Variants in DNAH11 observed in about 807,000 individuals in gnomAD.
DNAH11 encodes the protein axonemal beta dynein heavy chain 11.
A neutral mutation model predicts 526.0 loss-of-function variants in DNAH11; 442 were observed. The observed-to-expected ratio is 0.84, with a 90% CI of 0.78 to 0.91. The LOEUF (loss-of-function observed/expected upper bound fraction) is 0.91. Ranked by LOEUF, DNAH11 falls within the 40% of genes least tolerant of loss-of-function variation. The pLI is 0.00. For missense variants in DNAH11, 6,989 were observed against 5,448.7 expected, an observed-to-expected ratio of 1.28 and a Z score of -8.90; for synonymous variants, 2,461 against 1,935.9, an observed-to-expected ratio of 1.27 and a Z score of -7.12.
chr7:21,634,740 A>G (rs117322450), intron 25 of DNAH11, among the ~76,000 whole-genome samples: 2,277 of 152,236 alleles, frequency 0.015, 21 homozygotes, highest in Non-Finnish European at 0.024. Context: ...TGATGAAATC[A>G]TGTGCACACC....
chr7:21,592,367 C>T (rs1361635129), intron 14 of DNAH11, among the ~76,000 whole-genome samples: 1 of 152,068 alleles, frequency 6.6e-6, no homozygotes, highest in Non-Finnish European at 1.5e-5. Flanking sequence ...AGGAGAAGAA[C>T]ATTCTGGAGA....
intron 45 of DNAH11, among the ~76,000 whole-genome samples, chr7:21,730,186 C>G (rs755638892): frequency 2.0e-5 from 3 of 152,172 alleles, no homozygotes; most frequent in Non-Finnish European, 1.5e-5. Context: ...CGCATGTTTA[C>G]TGCAGCACTA....
chr7:21,735,916 G>C (rs1583643015), intron 46 of DNAH11, 72 bp downstream of exon 46: 2 of 1,353,566 alleles, frequency 1.5e-6, no homozygotes, highest in Non-Finnish European at 2.0e-6. Context: ...CAGCCCAAAA[G>C]ACTAATAATG....
Position 21,884,329 on chromosome 7 carries a change from C to G in DNAH11, c.12426C>G (p.Ile4142Met). 1 of 1,612,746 alleles carries G rather than the reference C, an allele frequency of 6.2e-7. No homozygotes were observed. Among genetic ancestry groups the G allele is most frequent in the East Asian group, 2.2e-5 (1 of 44,824 alleles). ...ATCTCCGTTATCTCTTTGGTGAGATCATGTATGGAGGCCACATCACAGATG... is the reference window on the plus strand; with the variant it reads ...ATCTCCGTTATCTCTTTGGTGAGATGATGTATGGAGGCCACATCACAGATG... ...WEDLRYLFGE[I>M]MYGGHITDDW... is the part of the protein sequence containing the mutation. The change falls in exon 76 of 82, where the codon ATC (isoleucine) becomes ATG (methionine). Residue 4142 changes from isoleucine (I) to methionine (M), a missense_variant. By Grantham distance (10) the Ile-to-Met change is conservative (BLOSUM62 1). Transcript: ENST00000409508.
intron 20 of DNAH11, among the ~76,000 whole-genome samples, chr7:21,607,936 CAAAAA>C (rs34293535): frequency 1.9e-4 from 13 of 68,646 alleles, no homozygotes; most frequent in African/African-American, 6.9e-4. Context: ...GACTTCATCT[CAAAAA>C]AAAAAAAAAA....
In DNAH11 at chr7:21,717,941, C is replaced by T. The variant is rs367821670; in HGVS notation, c.7134+16C>T. The T allele has an allele frequency of 8.1e-5, 130 of 1,604,964 alleles. No individual in the cohort carries two copies. The highest frequency in any genetic ancestry group is 6.7e-4 in the Admixed American group (40 of 59,394). The stretch of plus-strand genomic sequence containing the variant: ...CCTGGTGCAGGTTTGTCTTCGGTTA[C>T]GCCATTTAACGTTCTAGTTCTGATG... On this transcript the variant is annotated intron_variant, in intron 43 of 81. Coordinates refer to ENST00000409508, the MANE Select transcript of DNAH11 (RefSeq NM_001277115.2).
intron 6 of DNAH11, among the ~76,000 whole-genome samples, chr7:21,568,903 A>G (rs146181233): frequency 1.7e-3 from 261 of 152,314 alleles, no homozygotes; most frequent in African/African-American, 6.1e-3. Context: ...CAACTCTTTT[A>G]AAATTCACAT....
At chr7:21,869,274 C>A (rs1362909008) in intron 73 of DNAH11, among the ~76,000 whole-genome samples, 1 of 152,168 alleles carries the variant, frequency 6.6e-6, no homozygotes, top group Non-Finnish European at 1.5e-5. Flanking sequence ...CTGGAACACT[C>A]AGTAGTGCCT....
At chr7:21,601,239 A>G (rs1241048321) in intron 17 of DNAH11, 60 bp downstream of exon 17, 3 of 1,533,236 alleles carry the variant, frequency 2.0e-6, no homozygotes, top group Admixed American at 2.2e-5. Flanking sequence ...TAAAACTGAG[A>G]TGTTACTTTT....
At chr7:21,861,604 GA>G (rs1783066142) in intron 68 of DNAH11, among the ~76,000 whole-genome samples, 1 of 152,194 alleles carries the variant, frequency 6.6e-6, no homozygotes, top group Non-Finnish European at 1.5e-5. Flanking sequence ...CAGAAGGAGA[GA>G]AAATGATGCA....
In DNAH11 at chr7:21,600,994, CTT is replaced by C. The variant is rs1457504284; in HGVS notation, c.3256-12_3256-11del. Reference sequence around the variant, plus strand: ...TTTTCACTGAGTTGTTCTAATTAATCTTTTTCTCACTACAGATTGACATTTAT... The same window carrying C: ...TTTTCACTGAGTTGTTCTAATTAATCTTTCTCACTACAGATTGACATTTAT... On this transcript the variant is annotated splice_polypyrimidine_tract_variant and intron_variant, in intron 16 of 81. Coordinates refer to ENST00000409508, the MANE Select transcript of DNAH11 (RefSeq NM_001277115.2). 1.2e-6 allele frequency: 2 copies of C among 1,609,900 alleles called. No individual in the cohort carries two copies. Among genetic ancestry groups the C allele is most frequent in the Non-Finnish European group, 1.7e-6 (2 of 1,179,018 alleles).
At chr7:21,566,665 AAT>A (rs1370137307) in intron 6 of DNAH11, among the ~76,000 whole-genome samples, 1 of 151,968 alleles carries the variant, frequency 6.6e-6, no homozygotes, top group Non-Finnish European at 1.5e-5. Flanking sequence ...GCAAGTCAGT[AAT>A]AGAGTTCTCA....
chr7:21,760,703 C>T (rs920842569), intron 54 of DNAH11, among the ~76,000 whole-genome samples: 2 of 152,082 alleles, frequency 1.3e-5, no homozygotes, highest in African/African-American at 4.8e-5. Flanking sequence ...CCTAACCAAC[C>T]ATTTATGTTG....
chr7:21,621,394 C>T (rs1284005989), intron 25 of DNAH11, among the ~76,000 whole-genome samples: 1 of 151,968 alleles, frequency 6.6e-6, no homozygotes, highest in Non-Finnish European at 1.5e-5. Context: ...ACCAGAGGTA[C>T]AAGGAGGAAC....
At chr7:21,899,864 T>A in intron 80 of DNAH11, 116 bp from the exon 81 acceptor site, 1 of 1,302,876 alleles carries the variant, frequency 7.7e-7, no homozygotes, top group Non-Finnish European at 1.0e-6. Context: ...CATGTGCCAA[T>A]GCCCAAGAAC....
At chr7:21,650,105 C>T (rs189184869) in intron 28 of DNAH11, among the ~76,000 whole-genome samples, 1 of 151,958 alleles carries the variant, frequency 6.6e-6, no homozygotes, top group East Asian at 1.9e-4. Context: ...TTAAAAAAAA[C>T]CCAGCATTTG....
rs1219460682 is a variant in DNAH11 at position 21,543,338 on chromosome 7, C to T, written c.93C>T (p.Gly31=). ...LTSGAGLEAV[G]AVELEEEEEN... ...CGGGGGCCGGCCTGGAGGCAGTGGG[C>T]GCTGTGGAGCTCGAGGAGGAGGAGG... Residue 31 remains glycine, a synonymous_variant, in exon 1 of 82, where the codon GGC becomes GGT. Coordinates refer to ENST00000409508, the MANE Select transcript of DNAH11 (RefSeq NM_001277115.2). The T allele has an allele frequency of 1.3e-6, 2 of 1,550,954 alleles. No homozygotes were observed. The highest frequency in any genetic ancestry group is 1.2e-5 in the South Asian group (1 of 84,038).
intron 12 of DNAH11, 52 bp downstream of exon 12, chr7:21,589,455 C>G: frequency 7.1e-7 from 1 of 1,401,488 alleles, no homozygotes; most frequent in Admixed American, 2.2e-5. Flanking sequence ...TTATTATAAG[C>G]CTATTTCTGA....
intron 30 of DNAH11, among the ~76,000 whole-genome samples, chr7:21,678,964 A>C (rs1360930971): frequency 2.0e-5 from 3 of 152,224 alleles, no homozygotes; most frequent in Non-Finnish European, 2.9e-5. Flanking sequence ...AATAGCCAAG[A>C]TGTAGAAAAA....
Sources: gnomAD v4.1 joint callset for allele counts (sites outside exome capture counted in the v4.1 genomes callset) on GRCh38, gnomAD v4.1.1 for gene constraint, MANE v1.5 for transcripts, NCBI Gene and HGNC (gene_info 2026-07-23, HGNC 2026-07-21) for gene names.